RPS6KA4: variants seen among roughly 807,000 people sequenced by gnomAD.
RPS6KA4 encodes the protein ribosomal protein S6 kinase A4.
In RPS6KA4, 38 loss-of-function variants were observed where a neutral mutation model predicts 89.6. The ratio of observed to expected loss-of-function variants is 0.42; its 90% CI spans 0.33 to 0.56. RPS6KA4 has a LOEUF of 0.56. RPS6KA4 is among the 20% of genes least tolerant of loss of function. The probability of loss-of-function intolerance (pLI) is 0.07; values close to 1 mark genes in which losing one functional copy is unlikely to be tolerated. For missense variants in RPS6KA4, 873 were observed against 1,098.8 expected (o/e 0.79, Z 2.90); for synonymous variants, 495 against 492.8 (o/e 1.00, Z -0.06).
chr11:64,361,405 C>A lies in RPS6KA4; in HGVS notation c.571-64C>A. ...CAAGTTGAGCGAGTCTTACTCTGGG[C>A]CTTGTGGGGCACTGGGGCACAGGAG... On this transcript the variant is annotated intron_variant, in intron 5 of 16. Transcript: ENST00000334205. This position sits in a 1 kb window ranked among gnomAD's most constrained non-coding sequence, Gnocchi z 4.7. The A allele has an allele frequency of 1.3e-6, 2 of 1,574,256 alleles. No homozygotes were observed. Among genetic ancestry groups the A allele is most frequent in the South Asian group, 1.1e-5 (1 of 89,450 alleles).
intron 9 of RPS6KA4, among the ~76,000 whole-genome samples, chr11:64,367,841 A>G (rs988258198): frequency 6.6e-6 from 1 of 152,146 alleles, no homozygotes; most frequent in Non-Finnish European, 1.5e-5. Flanking sequence ...CAATATATTC[A>G]TTGGTCCTTT....
intron 8 of RPS6KA4, among the ~76,000 whole-genome samples, chr11:64,364,167 T>C (rs991709671): frequency 3.3e-5 from 4 of 122,036 alleles, no homozygotes; most frequent in Non-Finnish European, 7.2e-5. Context: ...ATTTTTTTTT[T>C]ATTCTTAGCA....
In RPS6KA4 at chr11:64,361,879, C is replaced by T. The variant is rs1424869176; in HGVS notation, c.783C>T (p.Phe261=). The T allele has an allele frequency of 1.2e-6, 2 of 1,612,374 alleles. No homozygotes were observed. ...SRRILKCSPP[F]PPRIGPVAQD... ...GGATCCTGAAGTGCTCCCCTCCCTT[C>T]CCCCCTCGGATCGGGCCCGTGGCGC... Residue 261 remains phenylalanine, a synonymous_variant, in exon 8 of 17, where the codon TTC becomes TTT. Coordinates refer to ENST00000334205, the MANE Select transcript of RPS6KA4 (RefSeq NM_003942.3). This position sits in a 1 kb window ranked among gnomAD's most constrained non-coding sequence, Gnocchi z 4.7.
chr11:64,361,507 C>T lies in RPS6KA4; in HGVS notation c.609C>T (p.Tyr203=). 6.2e-7 allele frequency: 1 copy of T among 1,614,102 alleles called. No homozygotes were observed. The highest frequency in any genetic ancestry group is 8.5e-7 in the Non-Finnish European group (1 of 1,180,016). ...RTFSFCGTIE[Y]MAPEIIRSKT... The stretch of plus-strand genomic sequence containing the variant: ...TCTCCTTCTGTGGCACCATCGAGTA[C>T]ATGGCCCCCGAAATCATCCGTAGCA... Residue 203 remains tyrosine, a synonymous_variant, in exon 6 of 17, where the codon TAC becomes TAT. Coordinates refer to ENST00000334205, the MANE Select transcript of RPS6KA4 (RefSeq NM_003942.3). The surrounding 1 kb of genome is among the most constrained non-coding windows in gnomAD (Gnocchi z 4.7).
chr11:64,367,338 T>C (rs183378625), intron 9 of RPS6KA4, among the ~76,000 whole-genome samples: 1 of 152,176 alleles, frequency 6.6e-6, no homozygotes, highest in East Asian at 1.9e-4. Context: ...GAGACGCAGT[T>C]TCGCTCTTGT....
rs759826654 is a variant in RPS6KA4 at position 64,369,561 on chromosome 11, C to T, written c.1544C>T (p.Ser515Leu). Residue 515 changes from serine to leucine, a missense_variant, in exon 13 of 17, where the codon TCG becomes TTG. Ser to Leu is a moderately radical substitution (Grantham distance 145, BLOSUM62 -2). Coordinates refer to ENST00000334205, the MANE Select transcript of RPS6KA4 (RefSeq NM_003942.3). ...AGCCAGATCCTGCGCAGCCTCGTGT[C>T]GGCCGTGAGCTTCATGCACGAGGAG... ...EASQILRSLVSAVSFMHEEAG... is the reference protein window; with the variant it reads ...EASQILRSLVLAVSFMHEEAG... 2 of 1,606,688 alleles carry T rather than the reference C, an allele frequency of 1.2e-6. No individual in the cohort carries two copies. Among genetic ancestry groups the T allele is most frequent in the African/African-American group, 2.7e-5 (2 of 74,850 alleles).
In RPS6KA4 at chr11:64,360,356, G is replaced by A; in HGVS notation, c.321G>A (p.Thr107=). The change falls in exon 3 of 17, where the codon ACG becomes ACA. Residue 107 remains threonine, a synonymous_variant. Transcript: ENST00000334205. ...TCACGCTGCACTACGCTTTCCAGACGGATGCCAAGCTGCACCTCATCCTGG... is the reference window on the plus strand; with the variant it reads ...TCACGCTGCACTACGCTTTCCAGACAGATGCCAAGCTGCACCTCATCCTGG... ...FLVTLHYAFQ[T]DAKLHLILDY... is the part of the protein sequence containing the mutation. The A allele has an allele frequency of 3.2e-6, 5 of 1,549,936 alleles. No homozygotes were observed. The highest frequency in any genetic ancestry group is 4.4e-6 in the Non-Finnish European group (5 of 1,146,504).
At position 64,359,218 on chromosome 11, in the gene RPS6KA4, C is replaced by T; in HGVS notation, c.-18C>T. 2 of 1,340,120 alleles carry T rather than the reference C, an allele frequency of 1.5e-6. No homozygotes were observed. The highest frequency in any genetic ancestry group is 1.9e-6 in the Non-Finnish European group (2 of 1,036,762). 83.0% of individuals were successfully genotyped at this position (1,340,120 alleles called of 1,614,324 possible). A position where few individuals can be genotyped will look rare whatever the true frequency, so the allele number is the denominator to read the frequency against. ...CGCCCGGAGCCCGAGCCGCGCGGGC[C>T]CCAGCGACCCGCCCGCCATGGGGGA... is the stretch of plus-strand genomic sequence containing the variant. On this transcript the variant is annotated 5_prime_UTR_variant, in exon 1 of 17. Coordinates refer to ENST00000334205, the MANE Select transcript of RPS6KA4 (RefSeq NM_003942.3).
In RPS6KA4 at chr11:64,371,496, C is replaced by T. The variant is rs1438850991; in HGVS notation, c.*16C>T. ...CCCCTCCTAATCCCCACCACTGTGA[C>T]CCCCTTCCCTCATAGGGGCTGTGAC... On this transcript the variant is annotated 3_prime_UTR_variant, in exon 17 of 17. Coordinates refer to ENST00000334205, the MANE Select transcript of RPS6KA4 (RefSeq NM_003942.3). 3 of 1,006,548 alleles carry T rather than the reference C, an allele frequency of 3.0e-6. No individual in the cohort carries two copies. The highest frequency in any genetic ancestry group is 2.6e-5 in the East Asian group (1 of 38,718). 62.4% of individuals were successfully genotyped at this position (1,006,548 alleles called of 1,614,324 possible). A position where few individuals can be genotyped will look rare whatever the true frequency, so the allele number is the denominator to read the frequency against.
At chr11:64,368,399 G>C (rs1565072803) in intron 10 of RPS6KA4, 69 bp from the exon 11 acceptor site, 5 of 1,540,152 alleles carry the variant, frequency 3.2e-6, no homozygotes, top group Non-Finnish European at 4.4e-6. Flanking sequence ...GGGCGTGGCG[G>C]GGCCGCGGGG....
Position 64,361,598 on chromosome 11 carries a change from G to A in RPS6KA4, c.652-44G>A. 6.2e-7 allele frequency: 1 copy of A among 1,613,564 alleles called. No homozygotes were observed. Among genetic ancestry groups the A allele is most frequent in the South Asian group, 1.1e-5 (1 of 91,082 alleles). ...TGGGGGAGGTGGAAAGGTGGGGTGT[G>A]AGGCAGGGGAGATGCAGGCCCTCAC... is the stretch of plus-strand genomic sequence containing the variant. On this transcript the variant is annotated intron_variant, in intron 6 of 16. Coordinates refer to ENST00000334205, the MANE Select transcript of RPS6KA4 (RefSeq NM_003942.3). The surrounding 1 kb of genome is among the most constrained non-coding windows in gnomAD (Gnocchi z 4.7).
In RPS6KA4 at chr11:64,370,012, C is replaced by T; in HGVS notation, c.1797+119C>T. 1 of 1,206,934 alleles carries T rather than the reference C, an allele frequency of 8.3e-7. No homozygotes were observed. The highest frequency in any genetic ancestry group is 1.1e-6 in the Non-Finnish European group (1 of 893,382). The allele number at this position is 1,206,934 out of a possible 1,614,324, so 74.8% of individuals were successfully genotyped here. On this transcript the variant is annotated intron_variant, in intron 14 of 16. Coordinates refer to ENST00000334205, the MANE Select transcript of RPS6KA4 (RefSeq NM_003942.3). The surrounding 1 kb of genome is among the most constrained non-coding windows in gnomAD (Gnocchi z 4.1). ...TTGGTGGGGGCGGCTGGGTTTCGTC[C>T]GAAGCTGGGATCGGGGTGGTTCAAA...
rs751693191 is a variant in RPS6KA4, at chr11:64,371,530, C to T, written c.*50C>T. 28 of 741,294 alleles carry T rather than the reference C, an allele frequency of 3.8e-5. No homozygotes were observed. The East Asian group carries it at 7.3e-4, about 19-fold the overall frequency. The allele number at this position is 741,294 out of a possible 1,614,324, so 45.9% of individuals were successfully genotyped here. ...CTCATAGGGGCTGTGACCTGGGAGC[C>T]CGGCTCACTCCCGGAGGCCTCTGCC... On this transcript the variant is annotated 3_prime_UTR_variant, in exon 17 of 17. Transcript: ENST00000334205.
At chr11:64,360,935 G>A in intron 4 of RPS6KA4, 199 bp from the exon 5 acceptor site, 2 of 579,556 alleles carry the variant, frequency 3.5e-6, no homozygotes, top group Non-Finnish European at 6.1e-6. Flanking sequence ...TGGGACCTTG[G>A]GGCCTGATCC....
rs2289572 is a variant in RPS6KA4 at position 64,368,349 on chromosome 11, G to A, written c.1200+89G>A. ...CTAGGCCTAGATCCAACTGGCGCCC[G>A]CAGCGTGAGCTCAGCAAGGTCCTAA... On this transcript the variant is annotated intron_variant, in intron 10 of 16. Coordinates refer to ENST00000334205, the MANE Select transcript of RPS6KA4 (RefSeq NM_003942.3). The A allele has an allele frequency of 2.0e-3, 3,051 of 1,549,686 alleles. 95 individuals carry two copies. In the East Asian group the frequency reaches 0.065, roughly 33 times the overall value.
chr11:64,360,222 G>A lies in RPS6KA4; in HGVS notation c.187G>A (p.Ala63Thr), dbSNP rs1387218415. 1.3e-6 allele frequency: 2 copies of A among 1,548,332 alleles called. No individual in the cohort carries two copies. The highest frequency in any genetic ancestry group is 2.4e-5 in the East Asian group (1 of 40,962). Reference protein sequence around the residue: ...AGGHDAGKLYAMKVLRKAALV... With the variant: ...AGGHDAGKLYTMKVLRKAALV... ...CGGGCACGACGCGGGGAAGCTGTAC[G>A]CCATGAAGGTGCTGCGCAAGGCGGC... The change falls in exon 3 of 17, where the codon GCC (alanine) becomes ACC (threonine). Residue 63 changes from alanine to threonine, a missense_variant. Physicochemically the swap from Ala to Thr is moderately conservative, Grantham distance 58. Around this residue, in one of 4 missense-constraint regions of RPS6KA4, gnomAD observed 542 missense variants for 736.4 expected, o/e 0.74. Transcript: ENST00000334205.
rs763715550 is a variant in RPS6KA4 at position 64,371,345 on chromosome 11, C to A, written c.2184C>A (p.Ala728=). ...AGAGCGTGGAGAATGCACCCCTGGC[C>A]AAGCGGCGGAAGCAGAAGCTGCGGA... ...FLKSVENAPL[A]KRRKQKLRSA... Residue 728 remains alanine, a synonymous_variant, in exon 17 of 17, where the codon GCC becomes GCA. Transcript: ENST00000334205. The A allele has an allele frequency of 5.6e-6, 9 of 1,612,886 alleles. No homozygotes were observed. In the East Asian group the frequency reaches 2.0e-4, roughly 36 times the overall value.
In RPS6KA4 at chr11:64,361,231, T is replaced by C. The variant is rs750237150; in HGVS notation, c.560T>C (p.Leu187Pro). 6.2e-7 allele frequency: 1 copy of C among 1,613,304 alleles called. No individual in the cohort carries two copies. Among genetic ancestry groups the C allele is most frequent in the South Asian group, 1.1e-5 (1 of 91,074 alleles). The change falls in exon 5 of 17, where the codon CTG becomes CCG. Residue 187 changes from leucine (L) to proline (P), a missense_variant. By Grantham distance (98) the Leu-to-Pro change is moderately conservative (BLOSUM62 -3). Coordinates refer to ENST00000334205, the MANE Select transcript of RPS6KA4 (RefSeq NM_003942.3). The surrounding 1 kb of genome is among the most constrained non-coding windows in gnomAD (Gnocchi z 4.7). ...LTDFGLSKEF[L>P]TEEKERTFSF... Reference sequence around the variant, plus strand: ...GACTTCGGGCTGAGCAAGGAGTTCCTGACGGAGGAGGTGAGTGGAGGCCAC... The same window carrying C: ...GACTTCGGGCTGAGCAAGGAGTTCCCGACGGAGGAGGTGAGTGGAGGCCAC...
intron 12 of RPS6KA4, 105 bp from the exon 13 acceptor site, chr11:64,369,341 C>G: frequency 2.4e-6 from 3 of 1,246,722 alleles, no homozygotes; most frequent in Non-Finnish European, 3.2e-6. Flanking sequence ...GGAGGGGGTT[C>G]TCGAACATTG....
Sources: allele counts gnomAD v4.1 joint callset (sites outside exome capture counted in the v4.1 genomes callset), GRCh38; gene constraint gnomAD v4.1.1; regional missense constraint gnomAD v4.1.1; non-coding constraint Gnocchi (gnomAD v3.1); transcripts MANE v1.5; gene names NCBI Gene and HGNC (gene_info 2026-07-23, HGNC 2026-07-21).